ZNF84: variants seen among roughly 807,000 people sequenced by gnomAD.
The protein encoded by ZNF84 is zinc finger protein HPF2.
Under a neutral mutation model 14.8 loss-of-function variants are expected in ZNF84, and 12 were observed. That is an observed-to-expected ratio of 0.81 (90% CI 0.52 to 1.31). The LOEUF (loss-of-function observed/expected upper bound fraction) is 1.31. Among genes scored for constraint, ZNF84 ranks in the 50% most tolerant of loss-of-function variants. ZNF84 has a pLI of 0.00. For missense variants in ZNF84, 859 were observed against 878.6 expected, an observed-to-expected ratio of 0.98 and a Z score of 0.28; for synonymous variants, 347 against 291.1, an observed-to-expected ratio of 1.19 and a Z score of -1.96.
At chr12:133,047,582 C>T (rs983612726) in intron 2 of ZNF84, 43 of 159,836 alleles carry the variant, frequency 2.7e-4, no homozygotes, top group African/African-American at 8.9e-4. Flanking sequence ...GCTTAGCTTC[C>T]GAGAACGGAC....
intron 1 of ZNF84, chr12:133,040,404 A>G (rs1593693480): frequency 6.6e-6 from 1 of 151,692 alleles, no homozygotes. Context: ...TCTACAAAGA[A>G]AAAAAATACA....
At position 133,058,209 on chromosome 12, in the gene ZNF84, AAAATT is replaced by A. The variant is rs1954196388; in HGVS notation, c.1497_1501del (p.Leu500SerfsTer3). On this transcript the variant is annotated frameshift_variant, in exon 5 of 5. Coordinates refer to ENST00000539354, the MANE Select transcript of ZNF84 (RefSeq NM_001289971.2). LOFTEE classifies it low-confidence loss of function (END_TRUNC). ...GTGAGTGTGGGAAAGCTTTCAGTGA[AAAATT>A]AAGTCTCACTAATCATCAAAGAATT... The A allele has an allele frequency of 1.2e-6, 2 of 1,612,320 alleles. No individual in the cohort carries two copies. Among genetic ancestry groups the A allele is most frequent in the Admixed American group, 1.7e-5 (1 of 59,888 alleles).
rs1954207113 is a variant in ZNF84 at position 133,058,765 on chromosome 12, G to A, written c.2050G>A (p.Gly684Arg). 4 of 1,614,074 alleles carry A rather than the reference G, an allele frequency of 2.5e-6. No individual in the cohort carries two copies. The highest frequency in any genetic ancestry group is 2.2e-5 in the East Asian group (1 of 44,880). Reference protein sequence around the residue: ...QRTHTGEKPYGCSECRKAFSQ... With the variant: ...QRTHTGEKPYRCSECRKAFSQ... Reference sequence around the variant, plus strand: ...GACACATACGGGTGAGAAACCCTATGGATGCAGTGAATGTAGGAAGGCCTT... The same window carrying A: ...GACACATACGGGTGAGAAACCCTATAGATGCAGTGAATGTAGGAAGGCCTT... The change falls in exon 5 of 5, where the codon GGA becomes AGA. Residue 684 changes from glycine (G) to arginine (R), a missense_variant. Coordinates refer to ENST00000539354, the MANE Select transcript of ZNF84 (RefSeq NM_001289971.2).
At chr12:133,047,757 C>T (rs1954006890) in intron 2 of ZNF84, 198 bp from the exon 3 acceptor site, 1 of 484,338 alleles carries the variant, frequency 2.1e-6, no homozygotes, top group Non-Finnish European at 3.6e-6. Context: ...TCTCTTTAAT[C>T]TTTAGGTTAA....
In ZNF84 at chr12:133,058,603, A is replaced by G; in HGVS notation, c.1888A>G (p.Asn630Asp). The change falls in exon 5 of 5, where the codon AAT (asparagine) becomes GAT (aspartate). Residue 630 changes from asparagine to aspartate, a missense_variant. Physicochemically the swap from Asn to Asp is conservative, Grantham distance 23. Transcript: ENST00000539354. The part of the protein sequence containing the change: ...THTGEKPYEC[N>D]ECRKAFREKS... ...TACAGGAGAAAAACCTTATGAATGC[A>G]ATGAATGTAGAAAAGCCTTCAGGGA... The G allele has an allele frequency of 1.9e-6, 3 of 1,614,198 alleles. No homozygotes were observed. Among genetic ancestry groups the G allele is most frequent in the Non-Finnish European group, 1.7e-6 (2 of 1,180,014 alleles).
At chr12:133,055,809 C>T (rs1236605818) in intron 4 of ZNF84, among the ~76,000 whole-genome samples, 3 of 152,032 alleles carry the variant, frequency 2.0e-5, no homozygotes, top group Non-Finnish European at 4.4e-5. Context: ...CCATGAAAAA[C>T]CAAAATTGGC....
intron 1 of ZNF84, among the ~76,000 whole-genome samples, chr12:133,038,476 A>AGGG (rs1221704330): frequency 6.6e-6 from 1 of 151,914 alleles, no homozygotes; most frequent in African/African-American, 2.4e-5. Context: ...TAGGAGGATC[A>AGGG]CTTGAGCCCA....
rs1184904297 is a variant in ZNF84 at position 133,052,587 on chromosome 12, A to T, written c.238+3739A>T. 5.9e-5 allele frequency among the ~76,000 whole-genome samples: 9 copies of T among 152,338 alleles called. No individual in the cohort carries two copies. The East Asian group carries it at 1.5e-3, about 26-fold the overall frequency. ...AGGGTTCAAGTAATCTGCCTGCCTC[A>T]GCCTCCCAAAGTGCTGAGATTACAG... On this transcript the variant is annotated intron_variant, in intron 4 of 4. Coordinates refer to ENST00000539354, the MANE Select transcript of ZNF84 (RefSeq NM_001289971.2).
rs1237347460 is a variant in ZNF84, at chr12:133,055,315, A to G, written c.239-1639A>G. The stretch of plus-strand genomic sequence containing the variant: ...TGAATTGTTTCATTATATATATAAT[A>G]GAATATACTTATATCCACATAACAA... On this transcript the variant is annotated intron_variant, in intron 4 of 4. Coordinates refer to ENST00000539354, the MANE Select transcript of ZNF84 (RefSeq NM_001289971.2). Among the ~76,000 whole-genome samples, 24 of 152,272 alleles carry G rather than the reference A, an allele frequency of 1.6e-4. No individual in the cohort carries two copies. The South Asian group carries it at 5.0e-3, about 32-fold the overall frequency.
chr12:133,038,845 T>G (rs1359145157), intron 1 of ZNF84: 1 of 152,208 alleles, frequency 6.6e-6, no homozygotes, highest in Non-Finnish European at 1.5e-5. Flanking sequence ...ATTTTTTTGT[T>G]ATTTTATGTG....
chr12:133,047,398 T>G (rs1473608555), intron 2 of ZNF84, among the ~76,000 whole-genome samples: 3 of 152,172 alleles, frequency 2.0e-5, no homozygotes, highest in African/African-American at 4.8e-5. Context: ...AAAATACTTT[T>G]ATTGGGACAT....
chr12:133,048,959 G>A (rs1954029893), intron 4 of ZNF84, 111 bp downstream of exon 4: 2 of 779,596 alleles, frequency 2.6e-6, no homozygotes, highest in Non-Finnish European at 2.1e-6. Context: ...TGGGTTGGCT[G>A]GTCAGTGACG....
intron 4 of ZNF84, chr12:133,050,437 G>C (rs1954051762): frequency 2.5e-6 from 1 of 398,444 alleles, no homozygotes; most frequent in East Asian, 3.6e-5. Flanking sequence ...TGGGTAGAGA[G>C]TTGTGAGTGC....
Position 133,057,287 on chromosome 12 carries a change from A to C in ZNF84, c.572A>C (p.Lys191Thr). ...DCDKYKESYK[K>T]SQIIIYHRNR... is the part of the protein sequence containing the mutation. ...GATAAATATAAAGAGAGCTATAAAA[A>C]GTCACAGATTATCATATATCATAGA... Residue 191 changes from lysine (K) to threonine (T), a missense_variant, in exon 5 of 5, where the codon AAG becomes ACG. Physicochemically the swap from Lys to Thr is moderately conservative, Grantham distance 78. Transcript: ENST00000539354. 1 of 1,613,696 alleles carries C rather than the reference A, an allele frequency of 6.2e-7. No individual in the cohort carries two copies. The highest frequency in any genetic ancestry group is 8.5e-7 in the Non-Finnish European group (1 of 1,179,924).
At chr12:133,051,273 A>G (rs1163654785) in intron 4 of ZNF84, among the ~76,000 whole-genome samples, 1 of 152,230 alleles carries the variant, frequency 6.6e-6, no homozygotes, top group Non-Finnish European at 1.5e-5. Flanking sequence ...TAGAAGCATA[A>G]CACTTAGTTA....
rs894746758 is a variant in ZNF84 at position 133,045,414 on chromosome 12, T to C, written c.16-2541T>C. On this transcript the variant is annotated intron_variant, in intron 2 of 4. Coordinates refer to ENST00000539354, the MANE Select transcript of ZNF84 (RefSeq NM_001289971.2). ...TGAACCTGAGAGGCGGAGGTTGCAG[T>C]GAGCTGAGATTGGGCCACTGCACTT... Among the ~76,000 whole-genome samples the C allele has an allele frequency of 5.6e-3, 859 of 152,186 alleles. 13 individuals are homozygous for C. The highest frequency in any genetic ancestry group is 4.4e-3 in the Non-Finnish European group (301 of 67,990).
chr12:133,048,106 T>C (rs1267031459), intron 3 of ZNF84, 25 bp downstream of exon 3: 1 of 1,607,804 alleles, frequency 6.2e-7, no homozygotes, highest in South Asian at 1.1e-5. Context: ...CTTGAGGACC[T>C]TGGACTATGC....
At chr12:133,045,750 T>A (rs903343495) in intron 2 of ZNF84, among the ~76,000 whole-genome samples, 27 of 152,342 alleles carry the variant, frequency 1.8e-4, no homozygotes, top group South Asian at 1.7e-3. Context: ...TTTCCTTATG[T>A]TTATTGCCTG....
chr12:133,057,829 A>C lies in ZNF84; in HGVS notation c.1114A>C (p.Thr372Pro). 6.2e-7 allele frequency: 1 copy of C among 1,612,836 alleles called. No individual in the cohort carries two copies. The highest frequency in any genetic ancestry group is 8.5e-7 in the Non-Finnish European group (1 of 1,179,496). Residue 372 changes from threonine to proline, a missense_variant, in exon 5 of 5, where the codon ACA (threonine) becomes CCA (proline). Physicochemically the swap from Thr to Pro is conservative, Grantham distance 38. Coordinates refer to ENST00000539354, the MANE Select transcript of ZNF84 (RefSeq NM_001289971.2). ...TACACATCACAGAACTCACACAGGA[A>C]CAAAACCCTTTGGATGTAGTGATTG... ...LVTHHRTHTG[T>P]KPFGCSDCRK... is the part of the protein sequence containing the mutation.
Sources: gnomAD v4.1 joint callset for allele counts (sites outside exome capture counted in the v4.1 genomes callset) on GRCh38, gnomAD v4.1.1 for gene constraint, MANE v1.5 for transcripts, NCBI Gene and HGNC (gene_info 2026-07-23, HGNC 2026-07-21) for gene names.